Variants in HSPBAP1 observed in about 807,000 individuals in gnomAD.
HSPBAP1 encodes the protein HSPB1-associated protein 1.
In HSPBAP1, 27 loss-of-function variants were observed where a neutral mutation model predicts 45.2. The observed-to-expected ratio is 0.60, with a 90% CI of 0.44 to 0.82. The LOEUF (loss-of-function observed/expected upper bound fraction) is 0.82. Ranked by LOEUF, HSPBAP1 falls within the 40% of genes least tolerant of loss-of-function variation. The pLI, the probability that HSPBAP1 is intolerant of heterozygous loss-of-function variation, is 0.00. For missense variants in HSPBAP1, 510 were observed against 590.9 expected (o/e 0.86, Z 1.42); for synonymous variants, 204 against 202.7 (o/e 1.01, Z -0.06).
At chr3:122,771,747 G>A (rs1935008182) in intron 2 of HSPBAP1, among the ~76,000 whole-genome samples, 1 of 152,166 alleles carries the variant, frequency 6.6e-6, no homozygotes, top group South Asian at 2.1e-4. Context: ...GCTATGTGAT[G>A]TTCTCTATCT....
chr3:122,780,049 G>A (rs1407542065), intron 1 of HSPBAP1, among the ~76,000 whole-genome samples: 8 of 152,090 alleles, frequency 5.3e-5, no homozygotes, highest in Non-Finnish European at 8.8e-5. Flanking sequence ...GGTGGCAGCC[G>A]GGCAGAGGGG....
intron 5 of HSPBAP1, chr3:122,753,745 G>T (rs909851638): frequency 3.8e-5 from 37 of 984,890 alleles, no homozygotes; most frequent in South Asian, 1.9e-4. Flanking sequence ...ACTATAAAAG[G>T]CCACTTGATA....
intron 3 of HSPBAP1, among the ~76,000 whole-genome samples, chr3:122,763,246 A>T (rs1326073167): frequency 1.3e-5 from 2 of 152,226 alleles, no homozygotes; most frequent in Non-Finnish European, 1.5e-5. Context: ...ACCTGCAGTG[A>T]CAGAAAGTAG....
chr3:122,759,710 G>A (rs1934498717), intron 3 of HSPBAP1, among the ~76,000 whole-genome samples: 1 of 152,194 alleles, frequency 6.6e-6, no homozygotes, highest in South Asian at 2.1e-4. Flanking sequence ...TAAACAGACA[G>A]GATTATGCTG....
rs60587307 is a variant in HSPBAP1, at chr3:122,785,840, T to TATAGATAGATAGATAG, written c.64+7761_64+7776dup. ...TTCTTTGCAGACAGGAGTAGCCAAA[T>TATAGATAGATAGATAG]ATAGATAGATAGATAGATAGATAGA... On this transcript the variant is annotated intron_variant, in intron 1 of 7. Transcript: ENST00000306103. Among the ~76,000 whole-genome samples, 1,198 of 151,650 alleles carry TATAGATAGATAGATAG rather than the reference T, an allele frequency of 7.9e-3. 10 individuals carry two copies. The highest frequency in any genetic ancestry group is 0.01 in the Admixed American group (159 of 15,210).
At chr3:122,777,142 T>G (rs183428807) in intron 2 of HSPBAP1, among the ~76,000 whole-genome samples, 1 of 152,308 alleles carries the variant, frequency 6.6e-6, no homozygotes, top group African/African-American at 2.4e-5. Context: ...ATGATTTTGA[T>G]TTCAGAAAAG....
chr3:122,770,425 G>A (rs1225968564), intron 2 of HSPBAP1, among the ~76,000 whole-genome samples: 3 of 152,184 alleles, frequency 2.0e-5, no homozygotes, highest in African/African-American at 4.8e-5. Context: ...TTGGCCAGGC[G>A]TAGTGGAACA....
At chr3:122,753,981 A>C (rs1239201923) in intron 5 of HSPBAP1, 1 of 781,632 alleles carries the variant, frequency 1.3e-6, no homozygotes, top group African/African-American at 1.9e-5. Context: ...AAAAAGCAAA[A>C]CAAGTGTTGG....
chr3:122,791,185 G>C (rs188945844), intron 1 of HSPBAP1, among the ~76,000 whole-genome samples: 48 of 152,246 alleles, frequency 3.2e-4, no homozygotes, highest in African/African-American at 1.1e-3. Context: ...CCCTCCAATC[G>C]GTCTTCTACC....
At chr3:122,791,143 A>G (rs1222022778) in intron 1 of HSPBAP1, among the ~76,000 whole-genome samples, 1 of 152,240 alleles carries the variant, frequency 6.6e-6, no homozygotes, top group Non-Finnish European at 1.5e-5. Flanking sequence ...TGAGGCTCAA[A>G]GGGATTAAGT....
intron 6 of HSPBAP1, 174 bp from the exon 7 acceptor site, chr3:122,741,287 A>G (rs1933660590): frequency 6.7e-6 from 4 of 595,086 alleles, no homozygotes; most frequent in Non-Finnish European, 1.2e-5. Flanking sequence ...ATCACCTGCC[A>G]TCTAGAAGAG....
chr3:122,759,006 G>T (rs933406234), intron 4 of HSPBAP1, among the ~76,000 whole-genome samples: 4 of 151,606 alleles, frequency 2.6e-5, no homozygotes, highest in Non-Finnish European at 5.9e-5. Flanking sequence ...TCATGACAAG[G>T]CACGCACCTG....
intron 6 of HSPBAP1, among the ~76,000 whole-genome samples, chr3:122,748,573 A>G (rs1934011547): frequency 6.6e-6 from 1 of 152,224 alleles, no homozygotes; most frequent in African/African-American, 2.4e-5. Flanking sequence ...CAAAAACAAT[A>G]AAGTTCAACA....
chr3:122,792,949 T>C (rs1935881920), intron 1 of HSPBAP1, among the ~76,000 whole-genome samples: 1 of 152,072 alleles, frequency 6.6e-6, no homozygotes, highest in African/African-American at 2.4e-5. Context: ...GCATTTATGT[T>C]CTCCCCACTG....
intron 5 of HSPBAP1, chr3:122,754,395 A>T: frequency 3.8e-6 from 1 of 263,850 alleles, no homozygotes; most frequent in Non-Finnish European, 5.9e-6. Context: ...AAGGCCCTGT[A>T]TTATAATATT....
At chr3:122,776,319 T>A (rs935822120) in intron 2 of HSPBAP1, among the ~76,000 whole-genome samples, 1 of 152,232 alleles carries the variant, frequency 6.6e-6, no homozygotes, top group Non-Finnish European at 1.5e-5. Flanking sequence ...TACTAAAAGC[T>A]CAGAGTCATT....
At chr3:122,747,663 C>T (rs1933946539) in intron 6 of HSPBAP1, among the ~76,000 whole-genome samples, 2 of 146,368 alleles carry the variant, frequency 1.4e-5, no homozygotes, top group Non-Finnish European at 3.0e-5. Context: ...GCCAGCCGCC[C>T]CGTCCGGGAG....
chr3:122,781,958 C>T (rs1317721518), intron 1 of HSPBAP1, among the ~76,000 whole-genome samples: 1 of 152,110 alleles, frequency 6.6e-6, no homozygotes, highest in African/African-American at 2.4e-5. Flanking sequence ...AGACCTAATT[C>T]TTAAATGATT....
chr3:122,790,488 A>C (rs999406510), intron 1 of HSPBAP1, among the ~76,000 whole-genome samples: 1 of 152,204 alleles, frequency 6.6e-6, no homozygotes, highest in Non-Finnish European at 1.5e-5. Flanking sequence ...TATCATATTG[A>C]GTATCATATC....
Sources: allele counts gnomAD v4.1 joint callset (sites outside exome capture counted in the v4.1 genomes callset), GRCh38; gene constraint gnomAD v4.1.1; transcripts MANE v1.5; gene names NCBI Gene and HGNC (gene_info 2026-07-23, HGNC 2026-07-21).